Variants in UBE2K observed in about 807,000 individuals in gnomAD.
UBE2K encodes ubiquitin-conjugating enzyme E2 K.
In UBE2K, 6 loss-of-function variants were observed where a neutral mutation model predicts 30.0. That is an observed-to-expected ratio of 0.20 (90% CI 0.11 to 0.39). The LOEUF (loss-of-function observed/expected upper bound fraction) is 0.39, where lower values mean the gene tolerates loss of function less well. Among genes scored for constraint, UBE2K ranks in the 10% least tolerant of loss-of-function variants. The pLI is 1.00. For synonymous variants in UBE2K, 86 were observed against 83.7 expected, an observed-to-expected ratio of 1.03 and a Z score of -0.15; for missense variants, 61 against 241.6, an observed-to-expected ratio of 0.25 and a Z score of 4.96.
intron 1 of UBE2K, among the ~76,000 whole-genome samples, chr4:39,726,684 C>T (rs970867284): frequency 2.6e-5 from 4 of 152,156 alleles, no homozygotes; most frequent in African/African-American, 9.7e-5. Context: ...CAACCTCTGC[C>T]TCCTGGGCTC....
rs1262287711 is a variant in UBE2K, at chr4:39,698,539, C to T, written c.63+149C>T. The T allele has an allele frequency of 5.6e-6, 4 of 710,320 alleles. No homozygotes were observed. In the East Asian group the frequency reaches 8.2e-5, roughly 15 times the overall value. 44.0% of individuals were successfully genotyped at this position (710,320 alleles called of 1,614,324 possible). The stretch of plus-strand genomic sequence containing the variant: ...AGGAAGCAGCAGTGTTCCCCTCCTC[C>T]TTCCGCCGCCTTCCCCTCCCCTCCC... On this transcript the variant is annotated intron_variant, in intron 1 of 6. Transcript: ENST00000261427.
At chr4:39,728,425 T>C (rs760017716) in intron 1 of UBE2K, among the ~76,000 whole-genome samples, 1 of 152,166 alleles carries the variant, frequency 6.6e-6, no homozygotes, top group Non-Finnish European at 1.5e-5. Flanking sequence ...CGGTGAGCTA[T>C]GATTGTACCA....
Position 39,777,760 on chromosome 4 carries a change from C to T in UBE2K, c.478C>T (p.Pro160Ser), listed in dbSNP as rs1342224157. 1 of 1,557,228 alleles carries T rather than the reference C, an allele frequency of 6.4e-7. No individual in the cohort carries two copies. The highest frequency in any genetic ancestry group is 8.6e-7 in the Non-Finnish European group (1 of 1,160,778). ...GTATGCTGGAGCACCAGTTTCTAGT[C>T]CAGAATACACCAAAAAAATAGAAAA... ...HVYAGAPVSS[P>S]EYTKKIENLC... The change falls in exon 6 of 7, where the codon CCA becomes TCA. Residue 160 changes from proline (P) to serine (S), a missense_variant. Pro to Ser is a moderately conservative substitution (Grantham distance 74). Transcript: ENST00000261427.
intron 1 of UBE2K, among the ~76,000 whole-genome samples, chr4:39,703,488 G>C (rs555572929): frequency 7.9e-4 from 120 of 152,172 alleles, no homozygotes; most frequent in Admixed American, 1.5e-3. Context: ...ACTTTAGCCT[G>C]GGCATCAGCG....
At chr4:39,777,575 G>A in intron 5 of UBE2K, 107 bp from the exon 6 acceptor site, 2 of 1,080,934 alleles carry the variant, frequency 1.9e-6, no homozygotes, top group Non-Finnish European at 2.5e-6. Context: ...CATTTTAAAT[G>A]TAGATTTGTT....
At chr4:39,714,548 A>AT (rs1168820129) in intron 1 of UBE2K, 8 of 24,678 alleles carry the variant, frequency 3.2e-4, no homozygotes, top group Non-Finnish European at 4.4e-4. Context: ...ATATATATAT[A>AT]TATTTTTTTT....
At chr4:39,731,921 A>T (rs1409387207) in intron 1 of UBE2K, among the ~76,000 whole-genome samples, 1 of 152,180 alleles carries the variant, frequency 6.6e-6, no homozygotes, top group Non-Finnish European at 1.5e-5. Context: ...ATCAATAAGA[A>T]TTACTTGTAA....
At chr4:39,722,424 C>T (rs1340693662) in intron 1 of UBE2K, among the ~76,000 whole-genome samples, 2 of 152,140 alleles carry the variant, frequency 1.3e-5, no homozygotes, top group Non-Finnish European at 2.9e-5. Flanking sequence ...CTTGTTTAAT[C>T]ATTTGATTAA....
At position 39,768,386 on chromosome 4, in the gene UBE2K, G is replaced by A. The variant is rs558928767; in HGVS notation, c.300-6448G>A. 4.0e-5 allele frequency among the ~76,000 whole-genome samples: 6 copies of A among 148,998 alleles called. No individual in the cohort carries two copies. In the South Asian group the frequency reaches 6.4e-4, roughly 16 times the overall value. ...TGCTTGAACCTGGGAGGCAAAGGTT[G>A]CAGTGAGCCAAGATTGCACCACTGC... On this transcript the variant is annotated intron_variant, in intron 4 of 6. Transcript: ENST00000261427.
At chr4:39,724,119 TA>T (rs1159854872) in intron 1 of UBE2K, among the ~76,000 whole-genome samples, 5 of 84,962 alleles carry the variant, frequency 5.9e-5, no homozygotes, top group African/African-American at 1.6e-4. Flanking sequence ...AGTCCTTTTT[TA>T]ATTTTTTTTT....
intron 3 of UBE2K, among the ~76,000 whole-genome samples, chr4:39,748,442 A>G (rs1404624978): frequency 1.3e-5 from 2 of 152,114 alleles, no homozygotes; most frequent in Non-Finnish European, 2.9e-5. Flanking sequence ...TAATAACTGA[A>G]GTATGTCTGA....
At chr4:39,706,294 G>A (rs1279974366) in intron 1 of UBE2K, among the ~76,000 whole-genome samples, 1 of 151,934 alleles carries the variant, frequency 6.6e-6, no homozygotes, top group Non-Finnish European at 1.5e-5. Context: ...GGGATTACAG[G>A]TGTGAACCAC....
At chr4:39,763,065 C>T (rs1712070300) in intron 4 of UBE2K, among the ~76,000 whole-genome samples, 1 of 148,866 alleles carries the variant, frequency 6.7e-6, no homozygotes. Context: ...GCCTCAGCCT[C>T]CTGAGTAGCT....
chr4:39,733,378 G>A (rs1720186339), intron 1 of UBE2K, among the ~76,000 whole-genome samples: 1 of 135,448 alleles, frequency 7.4e-6, no homozygotes, highest in Non-Finnish European at 1.5e-5. Flanking sequence ...CTATCATCCA[G>A]GCTGCATGTA....
chr4:39,717,695 C>T (rs985413922), intron 1 of UBE2K, among the ~76,000 whole-genome samples: 1 of 152,210 alleles, frequency 6.6e-6, no homozygotes, highest in African/African-American at 2.4e-5. Flanking sequence ...CTTGGTCTCA[C>T]TGACTTCAAG....
chr4:39,772,238 A>G (rs1358988619), intron 4 of UBE2K, among the ~76,000 whole-genome samples: 1 of 152,072 alleles, frequency 6.6e-6, no homozygotes, highest in African/African-American at 2.4e-5. Flanking sequence ...TTGTGGTTCA[A>G]ATCAGGAACC....
chr4:39,761,364 G>T (rs1371437645), intron 4 of UBE2K: 3 of 152,164 alleles, frequency 2.0e-5, no homozygotes, highest in Non-Finnish European at 4.4e-5. Flanking sequence ...TGTTTTGAAT[G>T]AACGTGGTTT....
intron 4 of UBE2K, among the ~76,000 whole-genome samples, 164 bp from the exon 5 acceptor site, chr4:39,774,670 A>G (rs1280029570): frequency 6.6e-6 from 1 of 152,190 alleles, no homozygotes; most frequent in Non-Finnish European, 1.5e-5. Flanking sequence ...AAAATATATG[A>G]TAGGCAGATA....
At chr4:39,722,617 T>A (rs1221161418) in intron 1 of UBE2K, among the ~76,000 whole-genome samples, 1 of 152,146 alleles carries the variant, frequency 6.6e-6, no homozygotes, top group Non-Finnish European at 1.5e-5. Context: ...TGCCAGTTAA[T>A]CTAGCATGTT....
Sources: gnomAD v4.1 joint callset for allele counts (sites outside exome capture counted in the v4.1 genomes callset) on GRCh38, gnomAD v4.1.1 for gene constraint, MANE v1.5 for transcripts, NCBI Gene and HGNC (gene_info 2026-07-23, HGNC 2026-07-21) for gene names.